SCAPER: variants seen among roughly 807,000 people sequenced by gnomAD.
SCAPER encodes the protein S phase cyclin A-associated protein in the endoplasmic reticulum.
SCAPER carries 98 observed loss-of-function variants against 182.2 expected under a neutral mutation model. The observed-to-expected ratio is 0.54, with a 90% CI of 0.46 to 0.64. The LOEUF is 0.64. Ranked by LOEUF, SCAPER falls within the 30% of genes least tolerant of loss-of-function variation. The probability of loss-of-function intolerance (pLI) is 0.00; values close to 1 mark genes in which losing one functional copy is unlikely to be tolerated. For synonymous variants in SCAPER, 605 were observed against 564.6 expected, an observed-to-expected ratio of 1.07 and a Z score of -1.01; for missense variants, 1,432 against 1,690.0, an observed-to-expected ratio of 0.85 and a Z score of 2.68.
At position 76,534,945 on chromosome 15, in the gene SCAPER, TA is replaced by T. The variant is rs1403437268; in HGVS notation, c.2839-29972del. On this transcript the variant is annotated intron_variant, in intron 23 of 31. Coordinates refer to ENST00000563290, the MANE Select transcript of SCAPER (RefSeq NM_020843.4). ...TGACTTTTAACATAAAGAACAAATA[TA>T]TTTTTATTTCTAAACAATTAAAAAT... 4.6e-5 allele frequency among the ~76,000 whole-genome samples: 7 copies of T among 152,312 alleles called. No individual in the cohort carries two copies. In the East Asian group the frequency reaches 1.3e-3, roughly 29 times the overall value.
intron 5 of SCAPER, among the ~76,000 whole-genome samples, chr15:76,819,928 G>A (rs1421894408): frequency 6.6e-6 from 1 of 152,186 alleles, no homozygotes; most frequent in East Asian, 1.9e-4. Context: ...AGTGGGCAAA[G>A]GATATGAGCA....
intron 24 of SCAPER, among the ~76,000 whole-genome samples, chr15:76,498,169 TAG>T (rs1285979383): frequency 6.6e-6 from 1 of 152,094 alleles, no homozygotes; most frequent in East Asian, 1.9e-4. Flanking sequence ...TACTAATATT[TAG>T]AGTTTAATAT....
chr15:76,759,825 T>C (rs910871945), intron 14 of SCAPER, among the ~76,000 whole-genome samples: 1 of 152,180 alleles, frequency 6.6e-6, no homozygotes, highest in African/African-American at 2.4e-5. Context: ...CACTCAATCA[T>C]GGTATGATTG....
chr15:76,415,501 T>C (rs1341513722), intron 26 of SCAPER, among the ~76,000 whole-genome samples: 1 of 152,154 alleles, frequency 6.6e-6, no homozygotes, highest in African/African-American at 2.4e-5. Context: ...TGGGAATTTA[T>C]TCACAGAATA....
chr15:76,355,799 C>T (rs2040918086), intron 29 of SCAPER, among the ~76,000 whole-genome samples: 1 of 152,220 alleles, frequency 6.6e-6, no homozygotes, highest in Non-Finnish European at 1.5e-5. Context: ...CCTTAGGGAC[C>T]TGTTGGTTCC....
intron 29 of SCAPER, 37 bp downstream of exon 29, chr15:76,376,125 G>T (rs529438073): frequency 5.0e-6 from 8 of 1,609,324 alleles, no homozygotes; most frequent in Admixed American, 1.7e-5. Flanking sequence ...TCTCAGCACT[G>T]GGGGAGCAGT....
At chr15:76,828,275 T>A (rs757332736) in intron 5 of SCAPER, among the ~76,000 whole-genome samples, 13 of 151,720 alleles carry the variant, frequency 8.6e-5, no homozygotes, top group Non-Finnish European at 1.2e-4. Flanking sequence ...TATTCTGTTA[T>A]AAGCAATAGA....
chr15:76,712,103 T>A lies in SCAPER; in HGVS notation c.2166-6119A>T, dbSNP rs541339261. Among the ~76,000 whole-genome samples, 21 of 152,346 alleles carry A rather than the reference T, an allele frequency of 1.4e-4. No homozygotes were observed. The East Asian group carries it at 4.0e-3, about 29-fold the overall frequency. ...ATTTAAGTCCTTAATCCATCTTGAATTAATTTTTGTATAAGGTGTAAGGAA... is the reference window on the plus strand; with the variant it reads ...ATTTAAGTCCTTAATCCATCTTGAAATAATTTTTGTATAAGGTGTAAGGAA... On this transcript the variant is annotated intron_variant, in intron 17 of 31. Transcript: ENST00000563290.
chr15:76,739,534 A>AT (rs2061442312), intron 15 of SCAPER, among the ~76,000 whole-genome samples: 1 of 152,234 alleles, frequency 6.6e-6, no homozygotes, highest in Non-Finnish European at 1.5e-5. Flanking sequence ...TAACACACCA[A>AT]TGAGCAGATA....
intron 20 of SCAPER, among the ~76,000 whole-genome samples, chr15:76,687,782 A>C (rs1376873058): frequency 1.3e-5 from 2 of 152,106 alleles, no homozygotes; most frequent in African/African-American, 2.4e-5. Context: ...ATCCTTTTTT[A>C]TGGCTGCATA....
At chr15:76,549,701 C>A (rs1384798702) in intron 23 of SCAPER, among the ~76,000 whole-genome samples, 3 of 151,706 alleles carry the variant, frequency 2.0e-5, no homozygotes, top group African/African-American at 4.8e-5. Context: ...GCATACGTAA[C>A]TAACCTGCAC....
chr15:76,884,522 A>AAAC (rs535777037), intron 1 of SCAPER, among the ~76,000 whole-genome samples: 4 of 152,140 alleles, frequency 2.6e-5, no homozygotes, highest in Non-Finnish European at 4.4e-5. Flanking sequence ...ATTGCTTAAC[A>AAAC]AACAACAACA....
At chr15:76,359,612 AT>A (rs1395727971) in intron 29 of SCAPER, among the ~76,000 whole-genome samples, 4 of 152,212 alleles carry the variant, frequency 2.6e-5, no homozygotes, top group Admixed American at 6.5e-5. Context: ...TGGGCTCCTG[AT>A]TGAGAGCAAG....
chr15:76,713,061 T>C (rs1486989489), intron 17 of SCAPER, among the ~76,000 whole-genome samples: 1 of 152,094 alleles, frequency 6.6e-6, no homozygotes, highest in Non-Finnish European at 1.5e-5. Context: ...TTCAGTATGA[T>C]ATTGGCTGTG....
intron 25 of SCAPER, among the ~76,000 whole-genome samples, chr15:76,455,432 A>T (rs1277257701): frequency 1.3e-5 from 2 of 152,184 alleles, no homozygotes; most frequent in Non-Finnish European, 2.9e-5. Flanking sequence ...CACTAATTGT[A>T]TAATACTTCT....
At chr15:76,524,689 G>GTTTGTTTTTTTTTT (rs2043058673) in intron 23 of SCAPER, among the ~76,000 whole-genome samples, 1 of 50,116 alleles carries the variant, frequency 2.0e-5, no homozygotes, top group African/African-American at 8.3e-5. Context: ...TTTTTGTTCT[G>GTTTGTTTTTTTTTT]TTTTTTTTTT....
intron 2 of SCAPER, among the ~76,000 whole-genome samples, chr15:76,864,623 GA>G (rs1256872044): frequency 6.7e-6 from 1 of 150,044 alleles, no homozygotes; most frequent in African/African-American, 2.4e-5. Flanking sequence ...TTCAGGGAAA[GA>G]AAAAAAAGTC....
rs191461898 is a variant in SCAPER at position 76,840,869 on chromosome 15, A to G, written c.393+865T>C. On this transcript the variant is annotated intron_variant, in intron 5 of 31. Transcript: ENST00000563290. Reference sequence around the variant, plus strand: ...TTTAATATCCTACTACAAACACAAGATTATTTAAAATTAGAAAACACACCT... The same window carrying G: ...TTTAATATCCTACTACAAACACAAGGTTATTTAAAATTAGAAAACACACCT... Among the ~76,000 whole-genome samples, 485 of 152,316 alleles carry G rather than the reference A, an allele frequency of 3.2e-3. 5 individuals are homozygous for G. Among genetic ancestry groups the G allele is most frequent in the African/African-American group, 0.011 (463 of 41,578 alleles).
chr15:76,784,744 C>A (rs12594460), intron 8 of SCAPER, among the ~76,000 whole-genome samples: 5 of 152,050 alleles, frequency 3.3e-5, no homozygotes, highest in Admixed American at 2.0e-4. Context: ...CATCTACAAC[C>A]ATCTGACCTT....
Sources: allele counts gnomAD v4.1 joint callset (sites outside exome capture counted in the v4.1 genomes callset), GRCh38; gene constraint gnomAD v4.1.1; transcripts MANE v1.5; gene names NCBI Gene and HGNC (gene_info 2026-07-23, HGNC 2026-07-21).